CCDC85C: variants seen among roughly 807,000 people sequenced by gnomAD.
The protein encoded by CCDC85C is coiled-coil domain-containing protein 85C.
A neutral mutation model predicts 38.3 loss-of-function variants in CCDC85C; 18 were observed. The ratio of observed to expected loss-of-function variants is 0.47; its 90% CI spans 0.33 to 0.70. The LOEUF is 0.70. Ranked by LOEUF, CCDC85C falls within the 30% of genes least tolerant of loss-of-function variation. The pLI, the probability that CCDC85C is intolerant of heterozygous loss-of-function variation, is 0.03. For synonymous variants in CCDC85C, 264 were observed against 293.8 expected (o/e 0.90, Z 1.04); for missense variants, 566 against 621.2 (o/e 0.91, Z 0.94).
rs1012772710 is a variant in CCDC85C, at chr14:99,520,721, A to T, written c.975+1412T>A. 4.6e-5 allele frequency among the ~76,000 whole-genome samples: 7 copies of T among 152,026 alleles called. No homozygotes were observed. The highest frequency in any genetic ancestry group is 4.4e-5 in the Non-Finnish European group (3 of 67,990). ...GCTGGCCCCTGACCTCTAGGCACAC[A>T]CAGGCACCAGGACGCACTCACCATG... is the stretch of plus-strand genomic sequence containing the variant. On this transcript the variant is annotated intron_variant, in intron 3 of 5. Coordinates refer to ENST00000380243, the MANE Select transcript of CCDC85C (RefSeq NM_001144995.2). The surrounding 1 kb of genome is among the most constrained non-coding windows in gnomAD (Gnocchi z 4.1).
At chr14:99,593,131 G>A (rs986821780) in intron 1 of CCDC85C, among the ~76,000 whole-genome samples, 11 of 152,230 alleles carry the variant, frequency 7.2e-5, no homozygotes, top group Admixed American at 3.9e-4. Flanking sequence ...GGTGCCGTGC[G>A]CGGTGACAGG....
intron 2 of CCDC85C, among the ~76,000 whole-genome samples, chr14:99,531,936 C>T (rs1897502386): frequency 6.6e-6 from 1 of 152,240 alleles, no homozygotes; most frequent in African/African-American, 2.4e-5. Flanking sequence ...CCTGCTGAAG[C>T]CCTCCCTTGG....
intron 1 of CCDC85C, among the ~76,000 whole-genome samples, chr14:99,564,093 A>G (rs1312763713): frequency 6.6e-6 from 1 of 152,240 alleles, no homozygotes; most frequent in Non-Finnish European, 1.5e-5. Context: ...GCAATTGTCT[A>G]GAAATGACCA....
chr14:99,521,802 C>G (rs535394896), intron 3 of CCDC85C, among the ~76,000 whole-genome samples: 1 of 152,248 alleles, frequency 6.6e-6, no homozygotes, highest in African/African-American at 2.4e-5. Flanking sequence ...ATCCACAAAC[C>G]TGAACCCCAA....
chr14:99,517,302 C>T (rs1426608899), intron 3 of CCDC85C, 119 bp from the exon 4 acceptor site: 10 of 762,930 alleles, frequency 1.3e-5, no homozygotes, highest in Non-Finnish European at 1.9e-5. Flanking sequence ...AAAAGGGGAC[C>T]GGGGTGAGGC....
Position 99,602,763 on chromosome 14 carries a change from G to C in CCDC85C, c.793+404C>G, listed in dbSNP as rs1189000627. ...TTGGAGGACACCTGTTGCTGCAAGAGGGGAAATTCACTTGCGCTCAAGGGG... is the reference window on the plus strand; with the variant it reads ...TTGGAGGACACCTGTTGCTGCAAGACGGGAAATTCACTTGCGCTCAAGGGG... On this transcript the variant is annotated intron_variant, in intron 1 of 5. Transcript: ENST00000380243. Among the ~76,000 whole-genome samples the C allele has an allele frequency of 2.6e-5, 4 of 152,302 alleles. No individual in the cohort carries two copies. In the East Asian group the frequency reaches 7.7e-4, roughly 29 times the overall value.
Position 99,510,265 on chromosome 14 carries a change from C to CCTT in CCDC85C, c.*4980_*4981insAAG. 20 of 1,560,562 alleles carry CCTT rather than the reference C, an allele frequency of 1.3e-5. No individual in the cohort carries two copies. The highest frequency in any genetic ancestry group is 4.6e-5 in the South Asian group (4 of 86,072). ...ATTCCCCCTCCGGCCCACCCGGCCC[C>CCTT]TGTGCACCAGCCACCGCCGCTGCCA... On this transcript the variant is annotated 3_prime_UTR_variant, in exon 6 of 6. Coordinates refer to ENST00000380243, the MANE Select transcript of CCDC85C (RefSeq NM_001144995.2).
At chr14:99,522,524 G>GA (rs1897317853) in intron 2 of CCDC85C, 3 of 113,392 alleles carry the variant, frequency 2.6e-5, no homozygotes, top group African/African-American at 1.4e-4. Flanking sequence ...AAGAGCCAGT[G>GA]AGAGCGAGTG....
intron 1 of CCDC85C, among the ~76,000 whole-genome samples, chr14:99,549,366 C>T (rs1431237409): frequency 1.3e-5 from 2 of 152,180 alleles, no homozygotes; most frequent in Admixed American, 1.3e-4. Context: ...TCCTTGGGTG[C>T]CACCCACTCC....
At position 99,515,350 on chromosome 14, in the gene CCDC85C, G is replaced by C; in HGVS notation, c.1171-15C>G. ...CTCCAGACCACCTGTGGAGAGGAGA[G>C]AGATGTGAGTGGTGGGACTCACCCG... is the stretch of plus-strand genomic sequence containing the variant. On this transcript the variant is annotated splice_polypyrimidine_tract_variant and intron_variant, in intron 5 of 5. Coordinates refer to ENST00000380243, the MANE Select transcript of CCDC85C (RefSeq NM_001144995.2). 6.5e-7 allele frequency: 1 copy of C among 1,545,170 alleles called. No individual in the cohort carries two copies. The highest frequency in any genetic ancestry group is 8.8e-7 in the Non-Finnish European group (1 of 1,142,296).
chr14:99,555,136 C>T (rs10147463), intron 1 of CCDC85C, among the ~76,000 whole-genome samples: 80,495 of 151,838 alleles, frequency 0.53, 21,493 homozygotes, highest in African/African-American at 0.58. Context: ...GTGAGGCGGG[C>T]GGGACAGGGA....
intron 1 of CCDC85C, among the ~76,000 whole-genome samples, chr14:99,551,408 T>G (rs1357175082): frequency 6.6e-6 from 1 of 150,926 alleles, no homozygotes. Flanking sequence ...CAAGTGAGTA[T>G]GCAGATGAGC....
In CCDC85C at chr14:99,559,757, G is replaced by A. The variant is rs531197179; in HGVS notation, c.794-23669C>T. Among the ~76,000 whole-genome samples, 3 of 152,258 alleles carry A rather than the reference G, an allele frequency of 2.0e-5. No homozygotes were observed. In the East Asian group the frequency reaches 5.8e-4, roughly 29 times the overall value. ...AGGGTTGTGATGTAGCCACTGACAG[G>A]GTGGCTGCAGACTAAGAGGAAAAAT... On this transcript the variant is annotated intron_variant, in intron 1 of 5. Coordinates refer to ENST00000380243, the MANE Select transcript of CCDC85C (RefSeq NM_001144995.2).
Position 99,510,796 on chromosome 14 carries a change from T to G in CCDC85C, c.*4450A>C. On this transcript the variant is annotated 3_prime_UTR_variant, in exon 6 of 6. Coordinates refer to ENST00000380243, the MANE Select transcript of CCDC85C (RefSeq NM_001144995.2). ...TGGATGAGATAACGTGAGCCTTTTT[T>G]CCCTCTTTGTTTTTTTAACAAGATT... 7.1e-7 allele frequency: 1 copy of G among 1,413,112 alleles called. No homozygotes were observed. The highest frequency in any genetic ancestry group is 2.6e-5 in the East Asian group (1 of 38,234). 87.5% of individuals were successfully genotyped at this position (1,413,112 alleles called of 1,614,324 possible).
rs1440555376 is a variant in CCDC85C at position 99,510,853 on chromosome 14, G to T, written c.*4393C>A. On this transcript the variant is annotated 3_prime_UTR_variant, in exon 6 of 6. Coordinates refer to ENST00000380243, the MANE Select transcript of CCDC85C (RefSeq NM_001144995.2). ...TCGACTTGCAGAGTAGTTGAAGTGG[G>T]TAAGCAGCAGGGTACCTTGTATAAT... is the stretch of plus-strand genomic sequence containing the variant. 1.3e-5 allele frequency: 16 copies of T among 1,276,376 alleles called. No homozygotes were observed. The highest frequency in any genetic ancestry group is 1.3e-5 in the Non-Finnish European group (13 of 979,558). The allele number at this position is 1,276,376 out of a possible 1,614,324, so 79.1% of individuals were successfully genotyped here.
chr14:99,574,740 G>A (rs1376473369), intron 1 of CCDC85C, among the ~76,000 whole-genome samples: 1 of 152,256 alleles, frequency 6.6e-6, no homozygotes, highest in Non-Finnish European at 1.5e-5. Context: ...AGGGGCACCA[G>A]CCGGGTCAGG....
chr14:99,522,352 G>A lies in CCDC85C; in HGVS notation c.868-112C>T, dbSNP rs190720690. 2.7e-4 allele frequency: 197 copies of A among 731,148 alleles called. No individual in the cohort carries two copies. The African/African-American group carries it at 3.3e-3, about 12-fold the overall frequency. 45.3% of individuals were successfully genotyped at this position (731,148 alleles called of 1,614,324 possible). ...GGCTGCTCAAAGGCACGGCCCCGGA[G>A]GACCCCTCCACCCTCCCCTCCACAC... is the stretch of plus-strand genomic sequence containing the variant. On this transcript the variant is annotated intron_variant, in intron 2 of 5. Coordinates refer to ENST00000380243, the MANE Select transcript of CCDC85C (RefSeq NM_001144995.2).
chr14:99,541,586 C>G (rs1157274325), intron 1 of CCDC85C, among the ~76,000 whole-genome samples: 2 of 152,168 alleles, frequency 1.3e-5, no homozygotes, highest in African/African-American at 4.8e-5. Flanking sequence ...GTCCACTCTG[C>G]CGGTGAGCTC....
intron 1 of CCDC85C, among the ~76,000 whole-genome samples, chr14:99,594,269 G>T (rs2055119880): frequency 6.6e-6 from 1 of 152,220 alleles, no homozygotes; most frequent in Non-Finnish European, 1.5e-5. Context: ...CAGCAAACCT[G>T]CACCAGGAAT....
Sources: gnomAD v4.1 joint callset for allele counts (sites outside exome capture counted in the v4.1 genomes callset) on GRCh38, gnomAD v4.1.1 for gene constraint, Gnocchi (gnomAD v3.1) non-coding constraint, MANE v1.5 for transcripts, NCBI Gene and HGNC (gene_info 2026-07-23, HGNC 2026-07-21) for gene names.